Variants in INPP5D observed in about 807,000 individuals in gnomAD.
INPP5D encodes the protein inositol polyphosphate-5-phosphatase D, also known as phosphatidylinositol 3,4,5-trisphosphate 5-phosphatase 1.
INPP5D carries 33 observed loss-of-function variants against 122.9 expected under a neutral mutation model. The ratio of observed to expected loss-of-function variants is 0.27; its 90% CI spans 0.20 to 0.36. INPP5D has a LOEUF of 0.36. Ranked by LOEUF, INPP5D falls within the 10% of genes least tolerant of loss-of-function variation. INPP5D has a pLI of 1.00. For missense variants in INPP5D, 1,053 were observed against 1,412.7 expected (o/e 0.75, Z 4.08); for synonymous variants, 584 against 576.2 (o/e 1.01, Z -0.19).
chr2:233,180,123 G>A (rs1362639242), intron 18 of INPP5D, among the ~76,000 whole-genome samples: 2 of 152,070 alleles, frequency 1.3e-5, no homozygotes, highest in Admixed American at 6.6e-5. Context: ...GTCACCAGTG[G>A]GGAAGTTCTT....
intron 1 of INPP5D, among the ~76,000 whole-genome samples, chr2:233,064,472 C>T (rs995846967): frequency 1.3e-5 from 2 of 152,246 alleles, no homozygotes; most frequent in Admixed American, 6.5e-5. Flanking sequence ...CAACCTGCTC[C>T]GCCTAATAAC....
chr2:233,104,606 GGAGGAA>G (rs952408723), intron 2 of INPP5D, among the ~76,000 whole-genome samples: 1 of 152,154 alleles, frequency 6.6e-6, no homozygotes, highest in African/African-American at 2.4e-5. Flanking sequence ...CCATGGTTGG[GGAGGAA>G]GAGGAAGAGG....
rs1693004247 is a variant in INPP5D at position 233,122,197 on chromosome 2, C to T, written c.289C>T (p.Leu97=). The change falls in exon 3 of 27, where the codon CTG becomes TTG. Residue 97 remains leucine, a synonymous_variant. Transcript: ENST00000445964. ...KKENMGLVTH[L]QYPVPLEEED... The stretch of plus-strand genomic sequence containing the variant: ...GGAAAACATGGGGCTGGTGACCCAT[C>T]TGCAATACCCTGTGCCGCTGGAGGA... 1.2e-6 allele frequency: 2 copies of T among 1,613,958 alleles called. No individual in the cohort carries two copies. The highest frequency in any genetic ancestry group is 1.1e-5 in the South Asian group (1 of 91,082).
intron 2 of INPP5D, among the ~76,000 whole-genome samples, chr2:233,104,103 C>G (rs1384715207): frequency 6.7e-6 from 1 of 149,430 alleles, no homozygotes; most frequent in Non-Finnish European, 1.5e-5. Flanking sequence ...CTCTGCCTCC[C>G]AGGTTCAAGT....
intron 1 of INPP5D, among the ~76,000 whole-genome samples, chr2:233,062,985 T>TA (rs541988646): frequency 0.04 from 5,765 of 143,674 alleles, 289 homozygotes; most frequent in African/African-American, 0.12. Context: ...GGAAGGGCAT[T>TA]AAAAAAAAAA....
chr2:233,135,554 C>G (rs1330695144), intron 5 of INPP5D, among the ~76,000 whole-genome samples: 1 of 151,756 alleles, frequency 6.6e-6, no homozygotes, highest in Non-Finnish European at 1.5e-5. Flanking sequence ...TTGTTACAAA[C>G]AGTACCATAG....
intron 5 of INPP5D, among the ~76,000 whole-genome samples, chr2:233,132,413 GTCT>G (rs1693354070): frequency 6.6e-6 from 1 of 152,136 alleles, no homozygotes; most frequent in Non-Finnish European, 1.5e-5. Context: ...TCCCCAACTT[GTCT>G]TCTTCTCGGG....
intron 2 of INPP5D, among the ~76,000 whole-genome samples, chr2:233,090,707 C>T (rs975247140): frequency 1.3e-5 from 2 of 152,116 alleles, no homozygotes; most frequent in Non-Finnish European, 2.9e-5. Context: ...CCTGTAATCC[C>T]AGCACTTTGG....
At chr2:233,060,704 G>A (rs1691048361) in intron 1 of INPP5D, 92 bp downstream of exon 1, 6 of 1,502,182 alleles carry the variant, frequency 4.0e-6, no homozygotes, top group Admixed American at 1.7e-5. Flanking sequence ...TATGTCACAG[G>A]ACAGAGTGAT....
Position 233,183,189 on chromosome 2 carries a change from C to T in INPP5D, c.2161+690C>T, listed in dbSNP as rs1310624329. On this transcript the variant is annotated intron_variant, in intron 19 of 26. Coordinates refer to ENST00000445964, the MANE Select transcript of INPP5D (RefSeq NM_001017915.3). This position sits in a 1 kb window ranked among gnomAD's most constrained non-coding sequence, Gnocchi z 4.6. ...TGTAATGTGCCCATCCAGCCCTTGG[C>T]CTAGGTGACCAGGGAGCCATGTTGT... 6.6e-6 allele frequency among the ~76,000 whole-genome samples: 1 copy of T among 152,208 alleles called. No individual in the cohort carries two copies. Among genetic ancestry groups the T allele is most frequent in the Non-Finnish European group, 1.5e-5 (1 of 68,034 alleles).
At chr2:233,162,410 T>TACA (rs1694221395) in intron 11 of INPP5D, among the ~76,000 whole-genome samples, 2 of 151,376 alleles carry the variant, frequency 1.3e-5, no homozygotes, top group Non-Finnish European at 2.9e-5. Context: ...ATAAGTGTAA[T>TACA]TATTATATTA....
intron 6 of INPP5D, among the ~76,000 whole-genome samples, chr2:233,142,806 T>A (rs1693658930): frequency 6.6e-6 from 1 of 152,148 alleles, no homozygotes; most frequent in African/African-American, 2.4e-5. Context: ...GTCTACCCTT[T>A]AACAGGCTAA....
chr2:233,122,610 C>T (rs191268430), intron 3 of INPP5D, among the ~76,000 whole-genome samples: 18 of 152,080 alleles, frequency 1.2e-4, no homozygotes, highest in African/African-American at 4.1e-4. Context: ...TGAGACCCTT[C>T]TGGGCAACAT....
intron 2 of INPP5D, among the ~76,000 whole-genome samples, chr2:233,097,071 A>G (rs76453711): frequency 0.085 from 12,961 of 152,300 alleles, 726 homozygotes; most frequent in Admixed American, 0.15. Flanking sequence ...TTCACCGTCC[A>G]AATGGATAGC....
At chr2:233,084,681 C>T (rs564097442) in intron 2 of INPP5D, among the ~76,000 whole-genome samples, 1 of 152,342 alleles carries the variant, frequency 6.6e-6, no homozygotes, top group Non-Finnish European at 1.5e-5. Flanking sequence ...TGAGTGGTCA[C>T]TGAGTGAAGT....
intron 2 of INPP5D, among the ~76,000 whole-genome samples, chr2:233,120,438 T>A (rs1692935984): frequency 6.6e-6 from 1 of 152,194 alleles, no homozygotes; most frequent in Non-Finnish European, 1.5e-5. Flanking sequence ...GAGCCGAGAC[T>A]GTGCCACTGC....
intron 2 of INPP5D, among the ~76,000 whole-genome samples, chr2:233,094,914 C>T (rs1692096281): frequency 2.0e-5 from 3 of 152,146 alleles, no homozygotes; most frequent in African/African-American, 7.2e-5. Context: ...GGAATGTTCT[C>T]CCACCCCTAA....
rs904722559 is a variant in INPP5D at position 233,189,226 on chromosome 2, C to T, written c.2359-624C>T. On this transcript the variant is annotated intron_variant, in intron 21 of 26. Coordinates refer to ENST00000445964, the MANE Select transcript of INPP5D (RefSeq NM_001017915.3). This position sits in a 1 kb window ranked among gnomAD's most constrained non-coding sequence, Gnocchi z 5.6. ...CACTCCCCAGCTCTGGAAACTTGCT[C>T]GCAGATGGAATGTGGGAGCCTGTGT... 9.2e-5 allele frequency among the ~76,000 whole-genome samples: 14 copies of T among 152,190 alleles called. No homozygotes were observed. Among genetic ancestry groups the T allele is most frequent in the Admixed American group, 7.9e-4 (12 of 15,278 alleles).
intron 26 of INPP5D, 111 bp downstream of exon 26, chr2:233,204,828 A>G: frequency 7.2e-7 from 1 of 1,379,378 alleles, no homozygotes; most frequent in Non-Finnish European, 9.5e-7. Context: ...ACGCATGCAT[A>G]TGTGCGTGCA....
Sources: allele counts gnomAD v4.1 joint callset (sites outside exome capture counted in the v4.1 genomes callset), GRCh38; gene constraint gnomAD v4.1.1; non-coding constraint Gnocchi (gnomAD v3.1); transcripts MANE v1.5; gene names NCBI Gene and HGNC (gene_info 2026-07-23, HGNC 2026-07-21).